Variants in PLXDC2 observed in about 807,000 individuals in gnomAD.
PLXDC2 encodes plexin domain-containing protein 2.
A neutral mutation model predicts 68.9 loss-of-function variants in PLXDC2; 40 were observed. The observed-to-expected ratio is 0.58, with a 90% CI of 0.45 to 0.76. The LOEUF (loss-of-function observed/expected upper bound fraction) is 0.76, where lower values mean the gene tolerates loss of function less well. PLXDC2 is among the 30% of genes least tolerant of loss of function. The pLI, the probability that PLXDC2 is intolerant of heterozygous loss-of-function variation, is 0.00. For synonymous variants in PLXDC2, 243 were observed against 234.2 expected (o/e 1.04, Z -0.34); for missense variants, 644 against 661.9 (o/e 0.97, Z 0.30).
chr10:19,934,593 A>G (rs924693636), intron 1 of PLXDC2, among the ~76,000 whole-genome samples: 1 of 152,160 alleles, frequency 6.6e-6, no homozygotes, highest in Non-Finnish European at 1.5e-5. Context: ...TCAATCTCCT[A>G]ATCAAATTCG....
At chr10:19,873,735 T>C (rs1360316297) in intron 1 of PLXDC2, among the ~76,000 whole-genome samples, 2 of 152,194 alleles carry the variant, frequency 1.3e-5, no homozygotes, top group Non-Finnish European at 2.9e-5. Context: ...TACTAGAAAA[T>C]GTACATGATA....
intron 2 of PLXDC2, among the ~76,000 whole-genome samples, chr10:20,034,728 G>A (rs143382710): frequency 3.0e-4 from 46 of 152,310 alleles, no homozygotes; most frequent in African/African-American, 1.0e-3. Flanking sequence ...GTCAAGGACA[G>A]ATTACATATA....
intron 3 of PLXDC2, among the ~76,000 whole-genome samples, chr10:20,064,675 C>T (rs568360225): frequency 8.1e-4 from 124 of 152,252 alleles, no homozygotes; most frequent in African/African-American, 2.9e-3. Context: ...CTTCTTCCTG[C>T]ATTCATAATC....
chr10:20,151,619 G>A (rs996077488), intron 6 of PLXDC2, among the ~76,000 whole-genome samples: 1 of 152,054 alleles, frequency 6.6e-6, no homozygotes, highest in Non-Finnish European at 1.5e-5. Context: ...TGTCTCATTT[G>A]TCTTTCCAAT....
chr10:20,211,738 G>T lies in PLXDC2; in HGVS notation c.1122+9G>T, dbSNP rs753099038. 5 of 1,612,048 alleles carry T rather than the reference G, an allele frequency of 3.1e-6. No homozygotes were observed. The highest frequency in any genetic ancestry group is 4.2e-6 in the Non-Finnish European group (5 of 1,178,664). Reference sequence around the variant, plus strand: ...GTGGATGCCCTGAAGAGGTACACATGCTTTATTGTGACAGAATCCTGGGAC... The same window carrying T: ...GTGGATGCCCTGAAGAGGTACACATTCTTTATTGTGACAGAATCCTGGGAC... On this transcript the variant is annotated intron_variant, in intron 10 of 13. Coordinates refer to ENST00000377252, the MANE Select transcript of PLXDC2 (RefSeq NM_032812.9).
chr10:20,277,208 CAAAAAAAAAAAAAAAA>C (rs60978653), intron 13 of PLXDC2, among the ~76,000 whole-genome samples: 1 of 67,950 alleles, frequency 1.5e-5, no homozygotes, highest in Non-Finnish European at 2.6e-5. Context: ...GATTCCATCT[CAAAAAAAAAAAAAAAA>C]AAAAAAAAAA....
chr10:20,126,385 G>T, intron 4 of PLXDC2, among the ~76,000 whole-genome samples: 2 of 138,584 alleles, frequency 1.4e-5, no homozygotes, highest in African/African-American at 2.9e-5. Context: ...ATACATATGT[G>T]TTATATAATA....
intron 13 of PLXDC2, among the ~76,000 whole-genome samples, chr10:20,269,847 G>A (rs912968854): frequency 2.0e-5 from 3 of 151,816 alleles, no homozygotes; most frequent in East Asian, 3.9e-4. Context: ...GTGAAATCCC[G>A]TTTCTATTAA....
intron 1 of PLXDC2, among the ~76,000 whole-genome samples, chr10:19,963,837 A>T (rs954432771): frequency 7.6e-6 from 1 of 131,684 alleles, no homozygotes; most frequent in Non-Finnish European, 1.8e-5. Flanking sequence ...GAAGTATAAT[A>T]AAAAAAAAAA....
At chr10:20,264,213 A>C (rs982919812) in intron 13 of PLXDC2, among the ~76,000 whole-genome samples, 2 of 152,226 alleles carry the variant, frequency 1.3e-5, no homozygotes, top group Non-Finnish European at 2.9e-5. Context: ...CTAATGCATA[A>C]ACAGAAAACC....
intron 1 of PLXDC2, among the ~76,000 whole-genome samples, chr10:19,821,998 G>A (rs949008148): frequency 2.6e-5 from 4 of 151,770 alleles, no homozygotes; most frequent in African/African-American, 7.3e-5. Context: ...CTTATTCTAT[G>A]TATAAGAGAA....
At position 19,996,169 on chromosome 10, in the gene PLXDC2, C is replaced by T. The variant is rs150990209; in HGVS notation, c.113-5606C>T. Among the ~76,000 whole-genome samples, 91 of 152,172 alleles carry T rather than the reference C, an allele frequency of 6.0e-4. 1 individual carries two copies. The highest frequency in any genetic ancestry group is 1.7e-3 in the African/African-American group (72 of 41,520). On this transcript the variant is annotated intron_variant, in intron 1 of 13. Transcript: ENST00000377252. Reference sequence around the variant, plus strand: ...CATAAGACTAGATAGGGCTGGGCACCGTGGCTCACTTCTATAATCCCAGCA... The same window carrying T: ...CATAAGACTAGATAGGGCTGGGCACTGTGGCTCACTTCTATAATCCCAGCA...
chr10:20,123,606 GAGA>G (rs1424354613), intron 4 of PLXDC2, among the ~76,000 whole-genome samples: 1 of 152,040 alleles, frequency 6.6e-6, no homozygotes, highest in Non-Finnish European at 1.5e-5. Context: ...CAGGCTAAGG[GAGA>G]AGAAGGAGGA....
At chr10:20,129,149 T>C (rs1249364989) in intron 4 of PLXDC2, among the ~76,000 whole-genome samples, 1 of 151,844 alleles carries the variant, frequency 6.6e-6, no homozygotes, top group Non-Finnish European at 1.5e-5. Context: ...ACACTTGTTA[T>C]CTTTCATGTT....
chr10:20,267,486 TG>T (rs775724682), intron 13 of PLXDC2, among the ~76,000 whole-genome samples: 34 of 152,264 alleles, frequency 2.2e-4, no homozygotes, highest in Middle Eastern at 3.4e-3. Context: ...TATGTGATTC[TG>T]GTCAATCCTG....
chr10:20,028,514 A>G (rs1564661852), intron 2 of PLXDC2, among the ~76,000 whole-genome samples: 1 of 152,148 alleles, frequency 6.6e-6, no homozygotes, highest in Admixed American at 6.6e-5. Flanking sequence ...TTATTTTCCC[A>G]TATTTGTTTT....
chr10:20,063,743 T>C (rs1836146588), intron 3 of PLXDC2, among the ~76,000 whole-genome samples: 2 of 152,016 alleles, frequency 1.3e-5, no homozygotes, highest in Admixed American at 1.3e-4. Flanking sequence ...CCCCGAGAAA[T>C]TGTAATGGGG....
intron 1 of PLXDC2, among the ~76,000 whole-genome samples, chr10:19,955,074 ATTTTTTTTTTT>A (rs750051734): frequency 2.0e-5 from 2 of 99,292 alleles, no homozygotes; most frequent in Non-Finnish European, 4.0e-5. Context: ...CCTTTCACTG[ATTTTTTTTTTT>A]TTTTTTTTTT....
At chr10:20,050,630 A>T (rs115969132) in intron 3 of PLXDC2, among the ~76,000 whole-genome samples, 2,482 of 152,250 alleles carry the variant, frequency 0.016, 63 homozygotes, top group African/African-American at 0.056. Context: ...TGGTTACAGA[A>T]ATGCAAAACA....
Sources: gnomAD v4.1 joint callset for allele counts (sites outside exome capture counted in the v4.1 genomes callset) on GRCh38, gnomAD v4.1.1 for gene constraint, MANE v1.5 for transcripts, NCBI Gene and HGNC (gene_info 2026-07-23, HGNC 2026-07-21) for gene names.